The following SETX variants were observed in gnomAD, a reference collection of about 807,000 sequenced individuals.
SETX encodes senataxin.
In SETX, 90 loss-of-function variants were observed where a neutral mutation model predicts 227.2. The observed-to-expected ratio is 0.40, with a 90% CI of 0.33 to 0.47. SETX has a LOEUF of 0.47. Ranked by LOEUF, SETX falls within the 20% of genes least tolerant of loss-of-function variation. The pLI, the probability that SETX is intolerant of heterozygous loss-of-function variation, is 0.91. For missense variants in SETX, 3,052 were observed against 3,181.5 expected (o/e 0.96, Z 0.98); for synonymous variants, 1,210 against 1,113.2 (o/e 1.09, Z -1.73).
At position 132,302,431 on chromosome 9, in the gene SETX, G is replaced by A. The variant is rs187427209; in HGVS notation, c.5375-1628C>T. Among the ~76,000 whole-genome samples the A allele has an allele frequency of 1.6e-3, 243 of 149,382 alleles. 1 individual carries two copies. The highest frequency in any genetic ancestry group is 5.4e-3 in the African/African-American group (218 of 40,454). On this transcript the variant is annotated intron_variant, in intron 11 of 25. Coordinates refer to ENST00000224140, the MANE Select transcript of SETX (RefSeq NM_015046.7). ...TCCCAGCACTTTGGGAGGCCGAGAC[G>A]GGCGGATCACCTGAGGTCAGGCGTT...
chr9:132,335,973 A>G (rs748107619), intron 6 of SETX, among the ~76,000 whole-genome samples: 3 of 152,144 alleles, frequency 2.0e-5, no homozygotes, highest in East Asian at 1.9e-4. Context: ...CGGGCGCGGT[A>G]GCTCACGCCT....
chr9:132,340,799 G>C (rs501377), intron 5 of SETX, among the ~76,000 whole-genome samples: 10 of 152,092 alleles, frequency 6.6e-5, no homozygotes, highest in African/African-American at 2.4e-4. Flanking sequence ...TTTTAGTTGA[G>C]AACAGATTTG....
At chr9:132,292,415 C>CAAAAA (rs60253119) in intron 15 of SETX, among the ~76,000 whole-genome samples, 35 of 61,056 alleles carry the variant, frequency 5.7e-4, no homozygotes, top group African/African-American at 1.3e-3. Context: ...AGCTGGGGTA[C>CAAAAA]AAAAAAAAAA....
intron 3 of SETX, among the ~76,000 whole-genome samples, chr9:132,348,683 TG>T (rs1442233822): frequency 1.3e-5 from 2 of 151,960 alleles, no homozygotes; most frequent in African/African-American, 4.8e-5. Context: ...ATTCCAACAC[TG>T]GGGGGCCAAA....
chr9:132,329,387 G>C lies in SETX; in HGVS notation c.2211C>G (p.Asp737Glu). ...AACGTGTTGATACTATTATTCCTCT[G>C]TCACATCCCCTTTCTGGACCATTTC... ...TSRNGPERGC[D>E]RGIIVSTRLL... Residue 737 changes from aspartate (D) to glutamate (E), a missense_variant, in exon 10 of 26, where the codon GAC (aspartate) becomes GAG (glutamate). Physicochemically the swap from Asp to Glu is conservative, Grantham distance 45. Transcript: ENST00000224140. 1 of 1,613,890 alleles carries C rather than the reference G, an allele frequency of 6.2e-7. No individual in the cohort carries two copies.
chr9:132,271,421 T>G (rs185373638), intron 24 of SETX, among the ~76,000 whole-genome samples: 32 of 152,244 alleles, frequency 2.1e-4, no homozygotes, highest in African/African-American at 6.5e-4. Flanking sequence ...AAAAATTAGC[T>G]GGGCGTGGTA....
At chr9:132,322,250 C>T (rs1846409457) in intron 10 of SETX, among the ~76,000 whole-genome samples, 1 of 152,050 alleles carries the variant, frequency 6.6e-6, no homozygotes, top group Admixed American at 6.5e-5. Context: ...ATAAAACTCA[C>T]CATTTTAAAG....
rs2131594234 is a variant in SETX, at chr9:132,354,152, C to G, written c.-114-397G>C. ...CAAATTGCTGGGCACATCCTTAGAT[C>G]CCCAGAAGTTGGGGAGGACGGACAA... On this transcript the variant is annotated intron_variant, in intron 1 of 25. Transcript: ENST00000224140. 2.0e-5 allele frequency among the ~76,000 whole-genome samples: 3 copies of G among 152,284 alleles called. No homozygotes were observed. The Middle Eastern group carries it at 0.01, about 518-fold the overall frequency.
At chr9:132,356,504 T>A (rs575391297), upstream of SETX, among the ~76,000 whole-genome samples, 4 of 152,114 alleles carry the variant, frequency 2.6e-5, no homozygotes, top group African/African-American at 9.6e-5. Context: ...ACCCGGCCCC[T>A]ACCCCCTTTT....
chr9:132,316,636 C>A (rs1382617120), intron 10 of SETX, among the ~76,000 whole-genome samples: 3 of 152,166 alleles, frequency 2.0e-5, no homozygotes, highest in Non-Finnish European at 4.4e-5. Flanking sequence ...GCTTTTTCCC[C>A]AATGAAGCAG....
At chr9:132,333,905 A>G (rs911786063) in intron 7 of SETX, among the ~76,000 whole-genome samples, 1 of 152,166 alleles carries the variant, frequency 6.6e-6, no homozygotes, top group African/African-American at 2.4e-5. Flanking sequence ...TTTAATTTTA[A>G]TTGACTTAAA....
At chr9:132,347,686 A>G (rs948761286) in intron 3 of SETX, among the ~76,000 whole-genome samples, 79 of 151,770 alleles carry the variant, frequency 5.2e-4, no homozygotes, top group Non-Finnish European at 1.1e-3. Context: ...AAAAAAAAAG[A>G]GAAGCTGGAG....
Position 132,336,347 on chromosome 9 carries a change from G to T in SETX, c.667C>A (p.Leu223Ile), listed in dbSNP as rs774068411. The change falls in exon 6 of 26, where the codon CTT becomes ATT. Residue 223 changes from leucine (L) to isoleucine (I), a missense_variant. Coordinates refer to ENST00000224140, the MANE Select transcript of SETX (RefSeq NM_015046.7). ...GTATCATACATGTGTGAGGGCAGAA[G>T]AATCAGTTTACCCTTCTCTAGGACA... Reference protein sequence around the residue: ...SSVLEKGKLILLPSHMYDTTN... With the variant: ...SSVLEKGKLIILPSHMYDTTN... 53 of 1,613,944 alleles carry T rather than the reference G, an allele frequency of 3.3e-5. No homozygotes were observed. The highest frequency in any genetic ancestry group is 3.3e-4 in the Middle Eastern group (2 of 6,084).
intron 7 of SETX, among the ~76,000 whole-genome samples, chr9:132,333,771 G>A (rs896554358): frequency 6.6e-6 from 1 of 152,274 alleles, no homozygotes; most frequent in East Asian, 1.9e-4. Flanking sequence ...GCATATCCAA[G>A]AGAATGTTCT....
rs756061826 is a variant in SETX at position 132,263,806 on chromosome 9, ATCT to A, written c.*430_*432del. On this transcript the variant is annotated 3_prime_UTR_variant, in exon 26 of 26. Coordinates refer to ENST00000224140, the MANE Select transcript of SETX (RefSeq NM_015046.7). The stretch of plus-strand genomic sequence containing the variant: ...GGTTGAAAGGACCCGCCCTCCTCCC[ATCT>A]TTTTTTTTTTGGTAATATAAAGTTT... The A allele has an allele frequency of 2.3e-4, 42 of 183,458 alleles. No individual in the cohort carries two copies. The highest frequency in any genetic ancestry group is 2.5e-3 in the Middle Eastern group (1 of 394). The allele number at this position is 183,458 out of a possible 1,614,324, so 11.4% of individuals were successfully genotyped here. A position where few individuals can be genotyped will look rare whatever the true frequency, so the allele number is the denominator to read the frequency against.
intron 11 of SETX, among the ~76,000 whole-genome samples, chr9:132,302,353 T>C: frequency 3.6e-5 from 2 of 55,560 alleles, no homozygotes; most frequent in African/African-American, 8.8e-5. Flanking sequence ...CAAGAATCCA[T>C]CTCAAAAAAA....
chr9:132,329,027 T>C lies in SETX; in HGVS notation c.2571A>G (p.Lys857=). The part of the protein sequence containing the change: ...GVLDDKNGEQ[K]SQNNVLPKEK... ...CTTTTGGCAATACATTGTTTTGAGA[T>C]TTTTGTTCTCCATTCTTATCATCCA... is the stretch of plus-strand genomic sequence containing the variant. The change falls in exon 10 of 26, where the codon AAA becomes AAG. Residue 857 remains lysine, a synonymous_variant. Transcript: ENST00000224140. 6.2e-7 allele frequency: 1 copy of C among 1,607,232 alleles called. No homozygotes were observed.
At position 132,328,987 on chromosome 9, in the gene SETX, T is replaced by G; in HGVS notation, c.2611A>C (p.Asn871His). 1 of 1,606,346 alleles carries G rather than the reference T, an allele frequency of 6.2e-7. No homozygotes were observed. Among genetic ancestry groups the G allele is most frequent in the Non-Finnish European group, 8.5e-7 (1 of 1,177,416 alleles). The change falls in exon 10 of 26, where the codon AAT becomes CAT. Residue 871 changes from asparagine to histidine, a missense_variant. Coordinates refer to ENST00000224140, the MANE Select transcript of SETX (RefSeq NM_015046.7). The stretch of plus-strand genomic sequence containing the variant: ...AAAGAGAAAATAACTAATTCTTCAT[T>G]CTTTAATTGTTTCTCTTTTGGCAAT... Reference protein sequence around the residue: ...NVLPKEKQLKNEELVIFSFHE... With the variant: ...NVLPKEKQLKHEELVIFSFHE...
intron 10 of SETX, among the ~76,000 whole-genome samples, chr9:132,324,430 T>C (rs1442622690): frequency 2.0e-5 from 3 of 152,172 alleles, no homozygotes; most frequent in Non-Finnish European, 2.9e-5. Flanking sequence ...TGTAGTAGAC[T>C]TGTCCCTTTG....
Sources: allele counts gnomAD v4.1 joint callset (sites outside exome capture counted in the v4.1 genomes callset), GRCh38; gene constraint gnomAD v4.1.1; transcripts MANE v1.5; gene names NCBI Gene and HGNC (gene_info 2026-07-23, HGNC 2026-07-21).